RNF135: variants seen among roughly 807,000 people sequenced by gnomAD.
RNF135 encodes E3 ubiquitin-protein ligase RNF135.
A neutral mutation model predicts 41.9 loss-of-function variants in RNF135; 46 were observed. The observed-to-expected ratio is 1.10, with a 90% CI of 0.87 to 1.40. The LOEUF (loss-of-function observed/expected upper bound fraction) is 1.40. RNF135 is among the 40% of genes most tolerant of loss of function. The pLI is 0.00. For synonymous variants in RNF135, 238 were observed against 223.8 expected (o/e 1.06, Z -0.57); for missense variants, 539 against 549.8 (o/e 0.98, Z 0.20).
At chr17:30,989,973 A>C (rs941808107) in intron 3 of RNF135, among the ~76,000 whole-genome samples, 2 of 149,096 alleles carry the variant, frequency 1.3e-5, no homozygotes, top group African/African-American at 5.1e-5. Context: ...AACAAGAGTG[A>C]AACTCTGTCT....
intron 1 of RNF135, chr17:30,980,163 A>T: frequency 7.5e-6 from 1 of 134,174 alleles, no homozygotes. Flanking sequence ...GCGGCTGGGC[A>T]GAGGAGCCCC....
upstream of RNF135, among the ~76,000 whole-genome samples, chr17:30,966,490 G>A (rs72811673): frequency 3.7e-3 from 532 of 143,018 alleles, 2 homozygotes; most frequent in Non-Finnish European, 6.4e-3. Context: ...TAACACAAGT[G>A]TTTCAAATTC....
chr17:30,993,302 C>CTGCCTGCCTT (rs1166645949), intron 3 of RNF135, among the ~76,000 whole-genome samples: 3 of 152,138 alleles, frequency 2.0e-5, no homozygotes, highest in Non-Finnish European at 4.4e-5. Flanking sequence ...CTCAGGTGAT[C>CTGCCTGCCTT]TGCCTGCCTT....
chr17:30,977,073 G>A (rs1906525896), intron 1 of RNF135, among the ~76,000 whole-genome samples: 1 of 151,914 alleles, frequency 6.6e-6, no homozygotes, highest in Admixed American at 6.6e-5. Flanking sequence ...CTATGATTTA[G>A]TTTCTTGCTT....
intron 1 of RNF135, among the ~76,000 whole-genome samples, chr17:30,980,582 C>A (rs1355871346): frequency 2.2e-5 from 3 of 137,740 alleles, no homozygotes; most frequent in African/African-American, 8.2e-5. Flanking sequence ...GGTTGCCGGA[C>A]GGAGGGGCTC....
the RNF135 span, among the ~76,000 whole-genome samples, chr17:30,960,088 T>C: frequency 6.6e-6 from 1 of 151,852 alleles, no homozygotes; most frequent in Non-Finnish European, 1.5e-5. Context: ...TATATATATA[T>C]ATGGCTATAG....
At chr17:30,961,949 C>T in the RNF135 span, among the ~76,000 whole-genome samples, 1 of 152,118 alleles carries the variant, frequency 6.6e-6, no homozygotes, top group Non-Finnish European at 1.5e-5. Context: ...CTAGTAACTC[C>T]TCTTTCCACT....
intron 1 of RNF135, among the ~76,000 whole-genome samples, chr17:30,977,408 C>A (rs1357456237): frequency 1.3e-5 from 2 of 152,130 alleles, no homozygotes; most frequent in Non-Finnish European, 2.9e-5. Flanking sequence ...GAGTTTTACT[C>A]TGTTGCCCAG....
At chr17:30,975,859 T>A in intron 1 of RNF135, 2 of 814,002 alleles carry the variant, frequency 2.5e-6, no homozygotes, top group Non-Finnish European at 4.3e-6. Context: ...GCCAAGCTCC[T>A]AACGTATATG....
intron 1 of RNF135, among the ~76,000 whole-genome samples, chr17:30,975,114 T>A (rs1163441827): frequency 1.4e-5 from 2 of 144,086 alleles, no homozygotes; most frequent in Non-Finnish European, 3.0e-5. Context: ...CATGGTGAGA[T>A]CCAATTAAAA....
intron 1 of RNF135, among the ~76,000 whole-genome samples, chr17:30,979,844 G>A (rs1906896263): frequency 7.3e-6 from 1 of 136,452 alleles, no homozygotes; most frequent in African/African-American, 2.8e-5. Context: ...TGGGGCGGCT[G>A]GCCAGGCGGG....
intron 1 of RNF135, chr17:30,975,779 A>G: frequency 3.7e-6 from 4 of 1,092,972 alleles, no homozygotes; most frequent in Non-Finnish European, 4.2e-6. Flanking sequence ...TTTCCAGCTC[A>G]TCCTGTACCC....
In RNF135 at chr17:30,971,330, G is replaced by A; in HGVS notation, c.257G>A (p.Arg86His). The A allele has an allele frequency of 6.5e-7, 1 of 1,533,540 alleles. No homozygotes were observed. 95.0% of individuals were successfully genotyped at this position (1,533,540 alleles called of 1,614,324 possible). A position where few individuals can be genotyped will look rare whatever the true frequency, so the allele number is the denominator to read the frequency against. ...TLLQDLADKY[R>H]RAAREIQAGS... The stretch of plus-strand genomic sequence containing the variant: ...CTGCAGGACCTGGCCGACAAGTACC[G>A]CCGCGCCGCACGCGAGATACAGGCG... Residue 86 changes from arginine (R) to histidine (H), a missense_variant, in exon 1 of 5, where the codon CGC becomes CAC. Transcript: ENST00000328381.
intron 1 of RNF135, among the ~76,000 whole-genome samples, chr17:30,976,129 C>A (rs1248007003): frequency 6.6e-6 from 1 of 152,178 alleles, no homozygotes; most frequent in Non-Finnish European, 1.5e-5. Context: ...CCTCAGTCTT[C>A]CCAGCAGCTG....
intron 1 of RNF135, among the ~76,000 whole-genome samples, chr17:30,983,344 TATA>T (rs1567743267): frequency 1.3e-3 from 48 of 35,876 alleles, no homozygotes; most frequent in South Asian, 3.1e-3. Context: ...TATATATATA[TATA>T]TATATATTTT....
At chr17:30,970,306 G>A (rs2142645619), upstream of RNF135, 1 of 152,168 alleles carries the variant, frequency 6.6e-6, no homozygotes, top group Admixed American at 6.5e-5. Context: ...GTGAGTGAGT[G>A]AGCCTTCTCA....
At chr17:30,960,622 G>A in the RNF135 span, among the ~76,000 whole-genome samples, 28 of 152,028 alleles carry the variant, frequency 1.8e-4, no homozygotes, top group African/African-American at 6.5e-4. Flanking sequence ...CCCCTGCCCC[G>A]TGGCAACCAT....
chr17:30,968,738 A>C (rs1051601737), upstream of RNF135: 1 of 152,068 alleles, frequency 6.6e-6, no homozygotes, highest in Non-Finnish European at 1.5e-5. Flanking sequence ...TAAAACTTTT[A>C]GGGCGTGTCC....
chr17:30,971,284 C>G lies in RNF135; in HGVS notation c.211C>G (p.His71Asp). ...CCGCCAGGGCGCCGCGCAGCAGCCG[C>G]ACCTGCGGAAGAACACGCTACTGCA... ...TCRQGAAQQP[H>D]LRKNTLLQDL... The change falls in exon 1 of 5, where the codon CAC becomes GAC. Residue 71 changes from histidine (H) to aspartate (D), a missense_variant. By Grantham distance (81) the His-to-Asp change is moderately conservative. Around this residue, in one of 2 missense-constraint regions of RNF135, gnomAD observed 277 missense variants for 212.8 expected, o/e 1.30. Transcript: ENST00000328381. The G allele has an allele frequency of 2.0e-6, 3 of 1,527,404 alleles. No homozygotes were observed. 94.6% of individuals were successfully genotyped at this position (1,527,404 alleles called of 1,614,324 possible). A position where few individuals can be genotyped will look rare whatever the true frequency, so the allele number is the denominator to read the frequency against.
Sources: gnomAD v4.1 joint callset for allele counts (sites outside exome capture counted in the v4.1 genomes callset) on GRCh38, gnomAD v4.1.1 for gene constraint, gnomAD v4.1.1 regional missense constraint, MANE v1.5 for transcripts, NCBI Gene and HGNC (gene_info 2026-07-23, HGNC 2026-07-21) for gene names.